PILRB: variants seen among roughly 807,000 people sequenced by gnomAD.
The protein encoded by PILRB is paired immunoglobulin-like type 2 receptor beta.
Under a neutral mutation model 20.5 loss-of-function variants are expected in PILRB, and 21 were observed. That is an observed-to-expected ratio of 1.02 (90% CI 0.72 to 1.47). PILRB has a LOEUF of 1.47. Ranked by LOEUF, PILRB falls within the 40% of genes most tolerant of loss-of-function variation. The pLI is 0.00. For synonymous variants in PILRB, 133 were observed against 115.1 expected (o/e 1.16, Z -0.99); for missense variants, 253 against 272.1 (o/e 0.93, Z 0.49).
Position 100,367,753 on chromosome 7 carries a change from C to T in PILRB, c.*376C>T, listed in dbSNP as rs1790739174. The T allele has an allele frequency of 4.8e-6, 1 of 210,366 alleles. No individual in the cohort carries two copies. The highest frequency in any genetic ancestry group is 9.7e-6 in the Non-Finnish European group (1 of 103,328). 13.0% of individuals were successfully genotyped at this position (210,366 alleles called of 1,614,324 possible). A position where few individuals can be genotyped will look rare whatever the true frequency, so the allele number is the denominator to read the frequency against. Reference sequence around the variant, plus strand: ...ACCATACACCCCTTTTCTCCTCGTCCACATTTTCCAATCTGTATGGTGGCT... The same window carrying T: ...ACCATACACCCCTTTTCTCCTCGTCTACATTTTCCAATCTGTATGGTGGCT... On this transcript the variant is annotated 3_prime_UTR_variant, in exon 4 of 4. Coordinates refer to ENST00000609309, the MANE Select transcript of PILRB (RefSeq NM_178238.4).
intron 3 of PILRB, among the ~76,000 whole-genome samples, chr7:100,364,652 A>G (rs1209505266): frequency 1.3e-5 from 2 of 152,246 alleles, no homozygotes; most frequent in Non-Finnish European, 2.9e-5. Context: ...CTTAGCCTCC[A>G]CAATATTAAA....
At chr7:100,362,580 C>T (rs918368511) in intron 3 of PILRB, among the ~76,000 whole-genome samples, 1 of 151,954 alleles carries the variant, frequency 6.6e-6, no homozygotes, top group African/African-American at 2.4e-5. Flanking sequence ...GCCATCTTGG[C>T]TCACTGCAAC....
At chr7:100,359,678 G>T (rs1790473177) in intron 3 of PILRB, 141 bp downstream of exon 3, 1 of 713,440 alleles carries the variant, frequency 1.4e-6, no homozygotes, top group African/African-American at 1.8e-5. Context: ...GGCCTGTGCT[G>T]GGGCGTCTGC....
In PILRB at chr7:100,358,311, G is replaced by GC. The variant is rs1268129858; in HGVS notation, c.13dup (p.Leu5ProfsTer216). 6.2e-7 allele frequency: 1 copy of GC among 1,612,648 alleles called. No individual in the cohort carries two copies. Among genetic ancestry groups the GC allele is most frequent in the South Asian group, 1.1e-5 (1 of 91,066 alleles). The stretch of plus-strand genomic sequence containing the variant: ...TGGAGAAGAACAAGGCCATGGGTCG[G>GC]CCCCTGCTGCTGCCCCTGCTGCTCC... On this transcript the variant is annotated frameshift_variant, in exon 1 of 4. Transcript: ENST00000609309. LOFTEE classifies it high-confidence loss of function.
intron 1 of PILRB, 99 bp downstream of exon 1, chr7:100,358,465 C>T (rs1790427348): frequency 1.4e-6 from 2 of 1,444,436 alleles, no homozygotes; most frequent in Non-Finnish European, 1.9e-6. Flanking sequence ...GCCAGGCTCC[C>T]ACCTCCAGCA....
chr7:100,358,445 TG>T, intron 1 of PILRB, 79 bp downstream of exon 1: 1 of 1,537,946 alleles, frequency 6.5e-7, no homozygotes. Flanking sequence ...GCAGAACATC[TG>T]GGGCAGGGGC....
chr7:100,358,554 C>A (rs1031453909), intron 1 of PILRB, 136 bp from the exon 2 acceptor site: 94 of 1,284,310 alleles, frequency 7.3e-5, no homozygotes, highest in Non-Finnish European at 1.0e-4. Context: ...GAGTGGGAGA[C>A]CCAGGCCAGA....
chr7:100,360,053 C>T (rs1790483571), intron 3 of PILRB, among the ~76,000 whole-genome samples: 2 of 151,974 alleles, frequency 1.3e-5, no homozygotes, highest in African/African-American at 4.8e-5. Flanking sequence ...AAAAAAGCCC[C>T]CAGCCCTCTC....
chr7:100,360,323 A>G (rs911786684), intron 3 of PILRB, among the ~76,000 whole-genome samples: 4 of 152,210 alleles, frequency 2.6e-5, no homozygotes, highest in Non-Finnish European at 5.9e-5. Context: ...CTCAAGGACT[A>G]ATTGCTTCAT....
Position 100,366,700 on chromosome 7 carries a change from G to A in PILRB, c.656-649G>A, listed in dbSNP as rs547667354. ...CGCCACCCAGAAGGAAACCACAGGC[G>A]CGGTCTCCCTGAGGACCTGGAGGGA... On this transcript the variant is annotated intron_variant, in intron 3 of 3. Transcript: ENST00000609309. Among the ~76,000 whole-genome samples, 17 of 152,072 alleles carry A rather than the reference G, an allele frequency of 1.1e-4. No individual in the cohort carries two copies. In the East Asian group the frequency reaches 1.4e-3, roughly 12 times the overall value.
At position 100,358,979 on chromosome 7, in the gene PILRB, G is replaced by A. The variant is rs752145582; in HGVS notation, c.354G>A (p.Glu118=). 22 of 1,614,060 alleles carry A rather than the reference G, an allele frequency of 1.4e-5. No homozygotes were observed. The highest frequency in any genetic ancestry group is 1.8e-5 in the Non-Finnish European group (21 of 1,180,052). ...TCAGGATCTCAAACCTGCGGAAGGAGGACCAGTCTGTGTATTTCTGCCGAG... is the reference window on the plus strand; with the variant it reads ...TCAGGATCTCAAACCTGCGGAAGGAAGACCAGTCTGTGTATTTCTGCCGAG... ...GFLRISNLRK[E]DQSVYFCRVE... Residue 118 remains glutamate (E), a synonymous_variant, in exon 2 of 4, where the codon GAG becomes GAA. Coordinates refer to ENST00000609309, the MANE Select transcript of PILRB (RefSeq NM_178238.4).
In PILRB at chr7:100,360,482, C is replaced by A. The variant is rs181566629; in HGVS notation, c.655+945C>A. Among the ~76,000 whole-genome samples, 173 of 152,290 alleles carry A rather than the reference C, an allele frequency of 1.1e-3. 3 individuals are homozygous for A. The highest frequency in any genetic ancestry group is 5.6e-3 in the Admixed American group (86 of 15,298). ...GTGAGGATTGTGTAGAGGTCACTCA[C>A]TTTCCTTGTGGGTGGAGGAAACCAT... On this transcript the variant is annotated intron_variant, in intron 3 of 3. Transcript: ENST00000609309.
chr7:100,359,074 C>T lies in PILRB; in HGVS notation c.449C>T (p.Thr150Ile), dbSNP rs1322706568. 6.2e-7 allele frequency: 1 copy of T among 1,614,046 alleles called. No homozygotes were observed. Among genetic ancestry groups the T allele is most frequent in the East Asian group, 2.2e-5 (1 of 44,882 alleles). Residue 150 changes from threonine to isoleucine, a missense_variant, in exon 2 of 4, where the codon ACC (threonine) becomes ATC (isoleucine). Physicochemically the swap from Thr to Ile is moderately conservative, Grantham distance 89. Transcript: ENST00000609309. ...ATCAAGGGGACCAAACTCACCATCACCCAGGGTGAGTCCAGCTGCCCTGAC... is the reference window on the plus strand; with the variant it reads ...ATCAAGGGGACCAAACTCACCATCATCCAGGGTGAGTCCAGCTGCCCTGAC... The part of the protein sequence containing the change: ...QSIKGTKLTI[T>I]QAVTTTTTWR...
chr7:100,358,911 C>G lies in PILRB; in HGVS notation c.286C>G (p.Arg96Gly), dbSNP rs558514645. 1 of 1,614,036 alleles carries G rather than the reference C, an allele frequency of 6.2e-7. No homozygotes were observed. Among genetic ancestry groups the G allele is most frequent in the Non-Finnish European group, 8.5e-7 (1 of 1,180,030 alleles). ...TTCCATTCACAAGGATTATGTGAAC[C>G]GGCTCTTTCTGAACTGGACAGAGGG... ...PPSIHKDYVN[R>G]LFLNWTEGQE... Residue 96 changes from arginine to glycine, a missense_variant, in exon 2 of 4, where the codon CGG becomes GGG. Physicochemically the swap from Arg to Gly is moderately radical, Grantham distance 125. Transcript: ENST00000609309.
rs1345650476 is a variant in PILRB at position 100,359,344 on chromosome 7, A to AACC, written c.472_474dup (p.Thr158dup). ...ATTCCTCATCTCTTCCAGCTGTCAC[A>AACC]ACCACCACCACCTGGAGGCCCAGCA... On this transcript the variant is annotated inframe_insertion, in exon 3 of 4. Transcript: ENST00000609309. 3.7e-6 allele frequency: 6 copies of AACC among 1,613,886 alleles called. No homozygotes were observed. Among genetic ancestry groups the AACC allele is most frequent in the Non-Finnish European group, 5.1e-6 (6 of 1,179,978 alleles).
At chr7:100,359,593 G>GCC in intron 3 of PILRB, 56 bp downstream of exon 3, 3 of 1,465,324 alleles carry the variant, frequency 2.0e-6, no homozygotes, top group Non-Finnish European at 2.9e-6. Flanking sequence ...GTTTCTCTGA[G>GCC]CCCACCTGCA....
Position 100,367,603 on chromosome 7 carries a change from T to C in PILRB, c.*226T>C. ...TCATCCAGGAGCATCCACACTGCAA[T>C]GATATAGGAATGAGGTCTGAACTCC... On this transcript the variant is annotated 3_prime_UTR_variant, in exon 4 of 4. Transcript: ENST00000609309. 1.7e-6 allele frequency: 1 copy of C among 581,836 alleles called. No individual in the cohort carries two copies. Among genetic ancestry groups the C allele is most frequent in the Non-Finnish European group, 3.1e-6 (1 of 323,198 alleles). The allele number at this position is 581,836 out of a possible 1,614,324, so 36.0% of individuals were successfully genotyped here. A position where few individuals can be genotyped will look rare whatever the true frequency, so the allele number is the denominator to read the frequency against.
Position 100,359,388 on chromosome 7 carries a change from G to A in PILRB, c.506G>A (p.Gly169Asp). The change falls in exon 3 of 4, where the codon GGC becomes GAC. Residue 169 changes from glycine to aspartate, a missense_variant. Physicochemically the swap from Gly to Asp is moderately conservative, Grantham distance 94 (BLOSUM62 -1). Transcript: ENST00000609309. ...CCCAGCAGCACAACCACCATAGCCG[G>A]CCTCAGGGTCACAGAAAGCAAAGGG... ...WRPSSTTTIA[G>D]LRVTESKGHS... 6.2e-7 allele frequency: 1 copy of A among 1,614,122 alleles called. No homozygotes were observed. Among genetic ancestry groups the A allele is most frequent in the Non-Finnish European group, 8.5e-7 (1 of 1,180,000 alleles).
intron 3 of PILRB, among the ~76,000 whole-genome samples, chr7:100,363,815 AAAGACATAAATAG>A (rs1790597831): frequency 6.6e-6 from 1 of 152,136 alleles, no homozygotes; most frequent in Non-Finnish European, 1.5e-5. Context: ...GTACTGAAAT[AAAGACATAAATAG>A]GCCAGGTGCA....
Sources: gnomAD v4.1 joint callset for allele counts (sites outside exome capture counted in the v4.1 genomes callset) on GRCh38, gnomAD v4.1.1 for gene constraint, MANE v1.5 for transcripts, NCBI Gene and HGNC (gene_info 2026-07-23, HGNC 2026-07-21) for gene names.